The following RAB4A variants were observed in gnomAD, a reference collection of about 807,000 sequenced individuals.
The protein encoded by RAB4A is ras-related protein Rab-4A.
Under a neutral mutation model 34.5 loss-of-function variants are expected in RAB4A, and 20 were observed. That is an observed-to-expected ratio of 0.58 (90% CI 0.41 to 0.84). The LOEUF (loss-of-function observed/expected upper bound fraction) is 0.84, where lower values mean the gene tolerates loss of function less well. RAB4A is among the 40% of genes least tolerant of loss of function. The pLI is 0.00. For missense variants in RAB4A, 228 were observed against 274.5 expected (o/e 0.83, Z 1.20); for synonymous variants, 102 against 100.0 (o/e 1.02, Z -0.12).
At chr1:229,298,742 C>T (rs1303773646) in intron 5 of RAB4A, among the ~76,000 whole-genome samples, 1 of 152,164 alleles carries the variant, frequency 6.6e-6, no homozygotes, top group Non-Finnish European at 1.5e-5. Context: ...AGCCCCTTCA[C>T]CAGGTTAAGT....
intron 6 of RAB4A, among the ~76,000 whole-genome samples, chr1:229,302,309 A>ATTTTTTTTTTTT (rs869095524): frequency 8.4e-5 from 3 of 35,900 alleles, no homozygotes; most frequent in South Asian, 1.6e-3. Context: ...ATATATATAT[A>ATTTTTTTTTTTT]TTTTTTTTTT....
At chr1:229,299,259 C>A (rs1029321353) in intron 6 of RAB4A, among the ~76,000 whole-genome samples, 187 bp downstream of exon 6, 1 of 152,196 alleles carries the variant, frequency 6.6e-6, no homozygotes, top group Non-Finnish European at 1.5e-5. Context: ...CCATCCTTAT[C>A]AGGATGGTTT....
At chr1:229,285,299 C>T (rs1030612554) in intron 1 of RAB4A, among the ~76,000 whole-genome samples, 7 of 152,138 alleles carry the variant, frequency 4.6e-5, no homozygotes, top group African/African-American at 1.2e-4. Flanking sequence ...TGTGAGCCAA[C>T]GCGCTCAGCC....
intron 6 of RAB4A, among the ~76,000 whole-genome samples, chr1:229,302,371 T>C (rs1657436955): frequency 7.3e-6 from 1 of 137,360 alleles, no homozygotes; most frequent in Admixed American, 7.7e-5. Flanking sequence ...AGAAGTGGAA[T>C]TGCTGGGTCA....
intron 2 of RAB4A, among the ~76,000 whole-genome samples, chr1:229,286,934 G>A (rs237765): frequency 0.65 from 98,660 of 152,036 alleles, 32,245 homozygotes; most frequent in African/African-American, 0.71. Flanking sequence ...GTGGGCTTGT[G>A]TTGTAGTTAA....
At position 229,271,203 on chromosome 1, in the gene RAB4A, C is replaced by A. The variant is rs972622452; in HGVS notation, c.-137C>A. On this transcript the variant is annotated 5_prime_UTR_variant, in exon 1 of 8. Coordinates refer to ENST00000366690, the MANE Select transcript of RAB4A (RefSeq NM_004578.4). ...CGGCTGGGCCGCAGCCGCTGGGAGA[C>A]CGGCGGTTGCCGTGGGGACCGGTCG... 3 of 871,380 alleles carry A rather than the reference C, an allele frequency of 3.4e-6. No homozygotes were observed. The African/African-American group carries it at 5.3e-5, about 15-fold the overall frequency. The allele number at this position is 871,380 out of a possible 1,614,324, so 54.0% of individuals were successfully genotyped here. A position where few individuals can be genotyped will look rare whatever the true frequency, so the allele number is the denominator to read the frequency against.
intron 6 of RAB4A, among the ~76,000 whole-genome samples, chr1:229,301,240 TG>T (rs889872938): frequency 6.6e-6 from 1 of 151,928 alleles, no homozygotes; most frequent in African/African-American, 2.4e-5. Flanking sequence ...AATTTAAAGC[TG>T]GGGTTGTGGG....
chr1:229,280,136 T>A (rs1656746663), intron 1 of RAB4A, among the ~76,000 whole-genome samples: 1 of 152,080 alleles, frequency 6.6e-6, no homozygotes, highest in African/African-American at 2.4e-5. Context: ...AACCACAGAT[T>A]AAAAATACAA....
At chr1:229,303,556 T>G (rs1398632324) in intron 7 of RAB4A, among the ~76,000 whole-genome samples, 4 of 152,182 alleles carry the variant, frequency 2.6e-5, no homozygotes, top group Non-Finnish European at 5.9e-5. Context: ...GAGGTCTAAA[T>G]GAATGTGCCT....
rs141754859 is a variant in RAB4A, at chr1:229,295,852, G to C, written c.232G>C (p.Val78Leu). 1 of 1,613,868 alleles carries C rather than the reference G, an allele frequency of 6.2e-7. No individual in the cohort carries two copies. Among genetic ancestry groups the C allele is most frequent in the African/African-American group, 1.3e-5 (1 of 74,916 alleles). The stretch of plus-strand genomic sequence containing the variant: ...AAACCAGTATAATTCTTCCAGGTCC[G>C]TGACGAGAAGTTATTACCGAGGCGC... The part of the protein sequence containing the change: ...DTAGQERFRS[V>L]TRSYYRGAAG... Residue 78 changes from valine to leucine, a missense_variant, in exon 4 of 8, where the codon GTG (valine) becomes CTG (leucine). Physicochemically the swap from Val to Leu is conservative, Grantham distance 32 (BLOSUM62 1). Transcript: ENST00000366690.
intron 2 of RAB4A, among the ~76,000 whole-genome samples, chr1:229,288,370 G>A (rs1656979142): frequency 6.6e-6 from 1 of 152,156 alleles, no homozygotes; most frequent in Non-Finnish European, 1.5e-5. Flanking sequence ...CTGTCACTGG[G>A]CGTTATGCCC....
chr1:229,273,159 T>G (rs1558233496), intron 1 of RAB4A, among the ~76,000 whole-genome samples: 1 of 152,176 alleles, frequency 6.6e-6, no homozygotes, highest in African/African-American at 2.4e-5. Context: ...GGGTCATGAA[T>G]CAGTAAGAAA....
chr1:229,289,069 C>T (rs1380686767), intron 3 of RAB4A: 1 of 455,688 alleles, frequency 2.2e-6, no homozygotes, highest in African/African-American at 2.0e-5. Flanking sequence ...CGCGCAACTG[C>T]ATTATAATTC....
chr1:229,302,275 A>ATTTTTTTTTTTTTTTTT (rs1657407321), intron 6 of RAB4A, among the ~76,000 whole-genome samples: 1 of 13,784 alleles, frequency 7.3e-5, no homozygotes, highest in African/African-American at 4.2e-4. Flanking sequence ...ATATATATAT[A>ATTTTTTTTTTTTTTTTT]TATATATATA....
At chr1:229,301,659 G>A (rs999839803) in intron 6 of RAB4A, among the ~76,000 whole-genome samples, 1 of 151,760 alleles carries the variant, frequency 6.6e-6, no homozygotes, top group African/African-American at 2.4e-5. Context: ...ACCTCTAGGT[G>A]AAAAAAATAT....
intron 1 of RAB4A, among the ~76,000 whole-genome samples, chr1:229,274,260 T>A (rs77991353): frequency 0.069 from 10,337 of 150,438 alleles, 449 homozygotes; most frequent in Non-Finnish European, 0.1. Flanking sequence ...AGACGAGGTC[T>A]CTGTCTGTTG....
intron 3 of RAB4A, among the ~76,000 whole-genome samples, chr1:229,292,485 C>T (rs1280818312): frequency 2.0e-5 from 3 of 152,078 alleles, no homozygotes; most frequent in Non-Finnish European, 4.4e-5. Flanking sequence ...TGTGAACAAG[C>T]GAGGCCTTTC....
At chr1:229,288,085 C>G (rs931396372) in intron 2 of RAB4A, among the ~76,000 whole-genome samples, 1 of 152,162 alleles carries the variant, frequency 6.6e-6, no homozygotes, top group Non-Finnish European at 1.5e-5. Flanking sequence ...AATGAAATCT[C>G]AAACACCTGT....
intron 3 of RAB4A, 82 bp from the exon 4 acceptor site, chr1:229,295,766 G>GC (rs1232395933): frequency 1.5e-6 from 2 of 1,326,296 alleles, no homozygotes; most frequent in African/African-American, 2.9e-5. Context: ...TACAAAGCAA[G>GC]CATGGGTGTT....
Sources: allele counts gnomAD v4.1 joint callset (sites outside exome capture counted in the v4.1 genomes callset), GRCh38; gene constraint gnomAD v4.1.1; transcripts MANE v1.5; gene names NCBI Gene and HGNC (gene_info 2026-07-23, HGNC 2026-07-21).